Variants in IGFL2 observed in about 807,000 individuals in gnomAD.
IGFL2 encodes IGF like family member 2, also known as insulin growth factor-like family member 2.
A neutral mutation model predicts 13.9 loss-of-function variants in IGFL2; 7 were observed. The observed-to-expected ratio is 0.51, with a 90% CI of 0.29 to 0.95. IGFL2 has a LOEUF of 0.95. Ranked by LOEUF, IGFL2 falls within the 40% of genes least tolerant of loss-of-function variation. The pLI, the probability that IGFL2 is intolerant of heterozygous loss-of-function variation, is 0.08. For synonymous variants in IGFL2, 55 were observed against 55.8 expected (o/e 0.99, Z 0.07); for missense variants, 138 against 147.8 (o/e 0.93, Z 0.34).
chr19:46,096,741 C>A, the IGFL2 span, among the ~76,000 whole-genome samples: 1 of 151,982 alleles, frequency 6.6e-6, no homozygotes, highest in Admixed American at 6.6e-5. Flanking sequence ...ATATTTAATT[C>A]TATGAGAGGC....
At chr19:46,123,493 A>G in the IGFL2 span, among the ~76,000 whole-genome samples, 2 of 150,936 alleles carry the variant, frequency 1.3e-5, no homozygotes, top group Non-Finnish European at 2.9e-5. Flanking sequence ...GCCACTTTTG[A>G]CCAATTGTTC....
chr19:46,114,505 T>C, the IGFL2 span, among the ~76,000 whole-genome samples: 950 of 152,288 alleles, frequency 6.2e-3, 15 homozygotes, highest in African/African-American at 0.021. Context: ...GGTGCTGATA[T>C]GGTTTGGCTC....
chr19:46,209,019 T>G, the IGFL2 span: 1 of 152,114 alleles, frequency 6.6e-6, no homozygotes, highest in East Asian at 1.9e-4. Context: ...CAGGAAGCCA[T>G]TCCTGGTGCC....
the IGFL2 span, chr19:46,124,013 A>T: frequency 6.2e-7 from 1 of 1,611,574 alleles, no homozygotes; most frequent in Non-Finnish European, 8.5e-7. Flanking sequence ...CAGGGCCAGA[A>T]GGTGCAGGTG....
the IGFL2 span, among the ~76,000 whole-genome samples, chr19:46,088,961 C>T: frequency 1.4e-4 from 21 of 152,136 alleles, no homozygotes; most frequent in East Asian, 5.8e-4. Context: ...GGGTTAAAGG[C>T]GCTAATGTAG....
At chr19:46,152,830 G>C (rs62110743) in intron 1 of IGFL2, among the ~76,000 whole-genome samples, 7,931 of 152,196 alleles carry the variant, frequency 0.052, 283 homozygotes, top group Middle Eastern at 0.12. Flanking sequence ...TCTTTAACAG[G>C]TTGAGGAAAC....
the IGFL2 span, chr19:46,195,986 C>G: frequency 6.6e-6 from 1 of 152,410 alleles, no homozygotes; most frequent in African/African-American, 2.4e-5. Flanking sequence ...GCCAAAGAAG[C>G]CTCCATTCTG....
the IGFL2 span, among the ~76,000 whole-genome samples, chr19:46,215,030 G>T: frequency 1.3e-5 from 2 of 152,054 alleles, no homozygotes; most frequent in African/African-American, 4.8e-5. Flanking sequence ...TGTGGCAACA[G>T]GTGTGGCCAG....
the IGFL2 span, among the ~76,000 whole-genome samples, chr19:46,180,070 C>T: frequency 2.6e-5 from 4 of 152,142 alleles, no homozygotes; most frequent in African/African-American, 9.7e-5. Context: ...ATATGAGAAA[C>T]AGGAATGCTG....
the IGFL2 span, chr19:46,137,581 T>C: frequency 9.4e-7 from 1 of 1,060,066 alleles, no homozygotes; most frequent in East Asian, 2.5e-5. Flanking sequence ...TGCCAGATGC[T>C]GCAACAATAC....
At chr19:46,112,470 T>G in the IGFL2 span, among the ~76,000 whole-genome samples, 1 of 152,230 alleles carries the variant, frequency 6.6e-6, no homozygotes, top group Non-Finnish European at 1.5e-5. Flanking sequence ...AGAATCTCTT[T>G]GGATCTCTGG....
At chr19:46,151,629 G>A (rs1406885264) in intron 1 of IGFL2, among the ~76,000 whole-genome samples, 1 of 152,168 alleles carries the variant, frequency 6.6e-6, no homozygotes, top group Non-Finnish European at 1.5e-5. Context: ...TTCAGAGAAG[G>A]CTGGGTCCTG....
chr19:46,095,083 T>G, the IGFL2 span, among the ~76,000 whole-genome samples: 12 of 152,220 alleles, frequency 7.9e-5, no homozygotes, highest in Non-Finnish European at 1.5e-5. Flanking sequence ...TTTCTGGTTC[T>G]TGATCCTTGA....
rs1210117213 is a variant in IGFL2, at chr19:46,153,813, ATG to A, written c.19+5520_19+5521del. ...TTTGCCTTTTTATTACAAATTATAT[ATG>A]TGTATATATATATATATATATATAT... On this transcript the variant is annotated intron_variant, in intron 1 of 3. Transcript: ENST00000377693. 7.8e-4 allele frequency among the ~76,000 whole-genome samples: 113 copies of A among 145,082 alleles called. 1 individual carries two copies. The Middle Eastern group carries it at 0.018, about 23-fold the overall frequency.
the IGFL2 span, chr19:46,111,532 A>C: frequency 6.6e-6 from 1 of 152,280 alleles, no homozygotes; most frequent in Non-Finnish European, 1.5e-5. Flanking sequence ...CTCTGTGAGC[A>C]TAATGGATAT....
the IGFL2 span, chr19:46,137,484 G>A: frequency 4.4e-6 from 5 of 1,145,506 alleles, no homozygotes; most frequent in East Asian, 1.2e-4. Context: ...TCCTTGGGCA[G>A]GTTGCCCCTT....
chr19:46,154,068 C>T (rs1279519960), intron 1 of IGFL2, among the ~76,000 whole-genome samples: 6 of 152,012 alleles, frequency 3.9e-5, no homozygotes, highest in Non-Finnish European at 7.4e-5. Context: ...ACTCTCACTT[C>T]TGAGTGAGAA....
chr19:46,162,271 G>C (rs1719518714), downstream of IGFL2, among the ~76,000 whole-genome samples: 3 of 152,060 alleles, frequency 2.0e-5, no homozygotes, highest in South Asian at 6.2e-4. Context: ...ATGTGTCTTG[G>C]GGATGATCTC....
At chr19:46,136,076 C>A in the IGFL2 span, among the ~76,000 whole-genome samples, 1 of 151,980 alleles carries the variant, frequency 6.6e-6, no homozygotes, top group Non-Finnish European at 1.5e-5. Context: ...GGGGATGGTC[C>A]TCATGTATAG....
Sources: allele counts gnomAD v4.1 joint callset (sites outside exome capture counted in the v4.1 genomes callset), GRCh38; gene constraint gnomAD v4.1.1; transcripts MANE v1.5; gene names NCBI Gene and HGNC (gene_info 2026-07-23, HGNC 2026-07-21).